Variants in PRUNE1 observed in about 807,000 individuals in gnomAD.
The protein encoded by PRUNE1 is exopolyphosphatase PRUNE1.
In PRUNE1, 25 loss-of-function variants were observed where a neutral mutation model predicts 42.5. The observed-to-expected ratio is 0.59, with a 90% CI of 0.43 to 0.82. The LOEUF is 0.82. Among genes scored for constraint, PRUNE1 ranks in the 40% least tolerant of loss-of-function variants. The pLI is 0.00. For missense variants in PRUNE1, 443 were observed against 539.3 expected, an observed-to-expected ratio of 0.82 and a Z score of 1.77; for synonymous variants, 203 against 217.1, an observed-to-expected ratio of 0.93 and a Z score of 0.57.
In PRUNE1 at chr1:151,033,866, A is replaced by C. The variant is rs903270692; in HGVS notation, c.994A>C (p.Thr332Pro). ...PPLKLTPASS[T>P]HPNLHAYLQG... The stretch of plus-strand genomic sequence containing the variant: ...CCTGAAGCTGACCCCTGCCTCAAGT[A>C]CCCACCCTAACCTCCATGCCTATCT... Residue 332 changes from threonine (T) to proline (P), a missense_variant, in exon 8 of 8, where the codon ACC becomes CCC. By Grantham distance (38) the Thr-to-Pro change is conservative. Coordinates refer to ENST00000271620, the MANE Select transcript of PRUNE1 (RefSeq NM_021222.3). The C allele has an allele frequency of 6.2e-7, 1 of 1,613,836 alleles. No individual in the cohort carries two copies. Among genetic ancestry groups the C allele is most frequent in the Non-Finnish European group, 8.5e-7 (1 of 1,179,842 alleles).
At chr1:151,016,236 CA>C (rs1028998467) in intron 1 of PRUNE1, among the ~76,000 whole-genome samples, 43 of 143,480 alleles carry the variant, frequency 3.0e-4, no homozygotes, top group African/African-American at 2.8e-4. Flanking sequence ...GACCCTGTCT[CA>C]AAAAAAAAAA....
intron 6 of PRUNE1, among the ~76,000 whole-genome samples, chr1:151,027,779 T>TCAC (rs1674959658): frequency 6.8e-6 from 1 of 147,636 alleles, no homozygotes; most frequent in African/African-American, 2.6e-5. Context: ...TGTGTGTGTG[T>TCAC]GTGCGCGCGC....
intron 1 of PRUNE1, chr1:151,008,948 T>C: frequency 3.3e-6 from 2 of 606,762 alleles, no homozygotes; most frequent in South Asian, 3.0e-5. Flanking sequence ...GAATCCTGCA[T>C]TTGAGCCTCT....
intron 1 of PRUNE1, among the ~76,000 whole-genome samples, chr1:151,010,484 A>G (rs1224047533): frequency 1.3e-5 from 2 of 152,038 alleles, no homozygotes; most frequent in East Asian, 1.9e-4. Context: ...TCATCCCCCA[A>G]GGAGCAAGAT....
At chr1:151,023,844 G>T (rs2102923664) in intron 3 of PRUNE1, among the ~76,000 whole-genome samples, 1 of 151,882 alleles carries the variant, frequency 6.6e-6, no homozygotes, top group South Asian at 2.1e-4. Flanking sequence ...ATGCTTCACA[G>T]AATTTGCTTA....
In PRUNE1 at chr1:151,034,901, T is replaced by C. The variant is rs1445150892; in HGVS notation, c.*667T>C. The C allele has an allele frequency of 6.5e-6, 1 of 152,742 alleles. No homozygotes were observed. Among genetic ancestry groups the C allele is most frequent in the Non-Finnish European group, 1.5e-5 (1 of 68,448 alleles). The allele number at this position is 152,742 out of a possible 1,614,324, so 9.5% of individuals were successfully genotyped here. ...CTGATCAGGTGGCCTGGCTGTTTCT[T>C]TGGATCCCTCTGTCCCAGAGCCACC... On this transcript the variant is annotated 3_prime_UTR_variant, in exon 8 of 8. Transcript: ENST00000271620.
intron 7 of PRUNE1, 111 bp from the exon 8 acceptor site, chr1:151,033,695 G>A (rs1023214384): frequency 2.8e-5 from 32 of 1,137,014 alleles, no homozygotes; most frequent in East Asian, 1.7e-4. Context: ...CCGCCCGGCC[G>A]ACTTACTTTT....
At chr1:151,021,491 T>C (rs1674436120) in intron 3 of PRUNE1, among the ~76,000 whole-genome samples, 1 of 152,158 alleles carries the variant, frequency 6.6e-6, no homozygotes, top group Non-Finnish European at 1.5e-5. Flanking sequence ...AATATCTCAA[T>C]AATGTCTGTT....
chr1:151,008,714 G>A (rs372443535), intron 1 of PRUNE1, 43 bp downstream of exon 1: 3 of 1,609,160 alleles, frequency 1.9e-6, no homozygotes, highest in Non-Finnish European at 2.6e-6. Flanking sequence ...GGAGCACGGG[G>A]TCCAGGAAGG....
chr1:151,020,471 T>C (rs587743198), intron 3 of PRUNE1, among the ~76,000 whole-genome samples: 2 of 151,142 alleles, frequency 1.3e-5, no homozygotes, highest in South Asian at 4.2e-4. Context: ...TTTTTTTAAG[T>C]TATCAAAAGG....
At chr1:151,026,462 A>C (rs1674845569) in intron 5 of PRUNE1, among the ~76,000 whole-genome samples, 1 of 152,090 alleles carries the variant, frequency 6.6e-6, no homozygotes, top group Non-Finnish European at 1.5e-5. Context: ...CCGTCTCAAA[A>C]AAAAACAAAA....
chr1:151,027,779 T>C (rs113510541), intron 6 of PRUNE1, among the ~76,000 whole-genome samples: 10,683 of 147,602 alleles, frequency 0.072, 1,231 homozygotes, highest in African/African-American at 0.25. Context: ...TGTGTGTGTG[T>C]GTGCGCGCGC....
Position 151,024,881 on chromosome 1 carries a change from C to T in PRUNE1, c.520+86C>T. The T allele has an allele frequency of 2.9e-6, 4 of 1,361,546 alleles. No homozygotes were observed. In the South Asian group the frequency reaches 4.2e-5, roughly 14 times the overall value. 84.3% of individuals were successfully genotyped at this position (1,361,546 alleles called of 1,614,324 possible). A position where few individuals can be genotyped will look rare whatever the true frequency, so the allele number is the denominator to read the frequency against. On this transcript the variant is annotated intron_variant, in intron 4 of 7. Coordinates refer to ENST00000271620, the MANE Select transcript of PRUNE1 (RefSeq NM_021222.3). ...GTGGAAAAGTCTAGACGCTTCCAGC[C>T]TAACCATATGCTCTCAGAGCCATTC... is the stretch of plus-strand genomic sequence containing the variant.
chr1:151,018,624 C>G lies in PRUNE1; in HGVS notation c.290C>G (p.Ala97Gly). The G allele has an allele frequency of 6.2e-7, 1 of 1,614,206 alleles. No homozygotes were observed. The highest frequency in any genetic ancestry group is 1.7e-5 in the Admixed American group (1 of 60,020). Residue 97 changes from alanine to glycine, a missense_variant, in exon 3 of 8, where the codon GCT becomes GGT. Transcript: ENST00000271620. ...ATTGACCTCCATGCATTATACCAGG[C>G]TGGCCAACTCACCCTCATCCTTGTC... is the stretch of plus-strand genomic sequence containing the variant. ...DEIDLHALYQ[A>G]GQLTLILVDH...
At chr1:151,013,241 C>T (rs913282931) in intron 1 of PRUNE1, among the ~76,000 whole-genome samples, 4 of 152,084 alleles carry the variant, frequency 2.6e-5, no homozygotes, top group Non-Finnish European at 5.9e-5. Context: ...TCATGGTTTG[C>T]GGGTGGTGAA....
chr1:151,025,604 C>G lies in PRUNE1; in HGVS notation c.610C>G (p.Leu204Val), dbSNP rs946516441. 4 of 1,613,700 alleles carry G rather than the reference C, an allele frequency of 2.5e-6. No individual in the cohort carries two copies. In the African/African-American group the frequency reaches 4.0e-5, roughly 16 times the overall value. The change falls in exon 5 of 8, where the codon CTT becomes GTT. Residue 204 changes from leucine (L) to valine (V), a missense_variant. By Grantham distance (32) the Leu-to-Val change is conservative (BLOSUM62 1). Transcript: ENST00000271620. ...DSKYVEKLEA[L>V]FPDLPKRNDI... ...CAAATATGTGGAGAAACTAGAGGCCCTTTTCCCAGACCTACCCAAGAGAAA... is the reference window on the plus strand; with the variant it reads ...CAAATATGTGGAGAAACTAGAGGCCGTTTTCCCAGACCTACCCAAGAGAAA...
At chr1:151,018,433 C>T in intron 2 of PRUNE1, 34 bp from the exon 3 acceptor site, 1 of 1,547,148 alleles carries the variant, frequency 6.5e-7, no homozygotes, top group Non-Finnish European at 8.9e-7. Flanking sequence ...CATTATAAAA[C>T]CTTGTGATAC....
chr1:151,033,883 T>C lies in PRUNE1; in HGVS notation c.1011T>C (p.His337=). 6.2e-7 allele frequency: 1 copy of C among 1,613,814 alleles called. No homozygotes were observed. Among genetic ancestry groups the C allele is most frequent in the Non-Finnish European group, 8.5e-7 (1 of 1,179,774 alleles). Residue 337 remains histidine (H), a synonymous_variant, in exon 8 of 8, where the codon CAT becomes CAC. Coordinates refer to ENST00000271620, the MANE Select transcript of PRUNE1 (RefSeq NM_021222.3). Reference sequence around the variant, plus strand: ...CCTCAAGTACCCACCCTAACCTCCATGCCTATCTTCAAGGCAACACCCAGG... The same window carrying C: ...CCTCAAGTACCCACCCTAACCTCCACGCCTATCTTCAAGGCAACACCCAGG... ...TPASSTHPNL[H]AYLQGNTQVS...
intron 6 of PRUNE1, among the ~76,000 whole-genome samples, 170 bp downstream of exon 6, chr1:151,027,497 G>C (rs916051754): frequency 6.6e-6 from 1 of 151,878 alleles, no homozygotes; most frequent in African/African-American, 2.4e-5. Flanking sequence ...CTGCACCGCT[G>C]TATTAGCCTC....
Sources: allele counts gnomAD v4.1 joint callset (sites outside exome capture counted in the v4.1 genomes callset), GRCh38; gene constraint gnomAD v4.1.1; transcripts MANE v1.5; gene names NCBI Gene and HGNC (gene_info 2026-07-23, HGNC 2026-07-21).